DOCK2: variants seen among roughly 807,000 people sequenced by gnomAD.
The protein encoded by DOCK2 is dedicator of cytokinesis 2.
A neutral mutation model predicts 248.9 loss-of-function variants in DOCK2; 87 were observed. The ratio of observed to expected loss-of-function variants is 0.35; its 90% CI spans 0.29 to 0.42. The LOEUF (loss-of-function observed/expected upper bound fraction) is 0.42, where lower values mean the gene tolerates loss of function less well. Among genes scored for constraint, DOCK2 ranks in the 10% least tolerant of loss-of-function variants. The pLI is 1.00. For synonymous variants in DOCK2, 805 were observed against 821.6 expected, an observed-to-expected ratio of 0.98 and a Z score of 0.35; for missense variants, 1,747 against 2,300.2, an observed-to-expected ratio of 0.76 and a Z score of 4.92.
At chr5:170,009,892 G>T (rs140902325) in intron 32 of DOCK2, among the ~76,000 whole-genome samples, 1 of 152,316 alleles carries the variant, frequency 6.6e-6, no homozygotes, top group East Asian at 1.9e-4. Flanking sequence ...GAGGTTGCAG[G>T]TTGGTTCACA....
At chr5:169,717,015 C>G (rs1260774396) in intron 20 of DOCK2, among the ~76,000 whole-genome samples, 1 of 152,116 alleles carries the variant, frequency 6.6e-6, no homozygotes, top group Non-Finnish European at 1.5e-5. Flanking sequence ...TGTTTCATGA[C>G]AAATATATAC....
chr5:169,934,656 C>G (rs259898), intron 27 of DOCK2: 50,015 of 455,604 alleles, frequency 0.11, 3,929 homozygotes, highest in African/African-American at 0.31. Context: ...TTCTAGGATG[C>G]AGCTGATGAT....
intron 25 of DOCK2, among the ~76,000 whole-genome samples, chr5:169,767,097 G>A (rs1269812615): frequency 1.3e-5 from 2 of 152,224 alleles, no homozygotes; most frequent in African/African-American, 4.8e-5. Context: ...AGTGGCGAGA[G>A]ATGGTATCTC....
intron 6 of DOCK2, among the ~76,000 whole-genome samples, chr5:169,677,567 G>C (rs1759405777): frequency 5.3e-5 from 8 of 152,148 alleles, no homozygotes; most frequent in African/African-American, 7.2e-5. Context: ...CCCTAAACCT[G>C]CTGAATATGT....
chr5:169,833,820 C>G (rs776438168), intron 26 of DOCK2, among the ~76,000 whole-genome samples: 1 of 152,214 alleles, frequency 6.6e-6, no homozygotes, highest in South Asian at 2.1e-4. Flanking sequence ...AGGGATCAGA[C>G]AATTCTTATT....
chr5:169,928,876 T>G (rs1307770467), intron 27 of DOCK2, among the ~76,000 whole-genome samples: 6 of 152,250 alleles, frequency 3.9e-5, no homozygotes, highest in Non-Finnish European at 7.3e-5. Flanking sequence ...ATGCTCACTC[T>G]ATGCCCTGGG....
At chr5:170,023,641 G>A (rs533348522) in intron 33 of DOCK2, among the ~76,000 whole-genome samples, 43 of 152,158 alleles carry the variant, frequency 2.8e-4, no homozygotes, top group Non-Finnish European at 4.0e-4. Context: ...TTAGAAAGCC[G>A]CGCTGACTTC....
intron 26 of DOCK2, among the ~76,000 whole-genome samples, chr5:169,828,265 A>G (rs1377683811): frequency 1.3e-5 from 2 of 152,184 alleles, no homozygotes; most frequent in Non-Finnish European, 2.9e-5. Flanking sequence ...AAGAGGTTCA[A>G]GGGTGAGATT....
At chr5:170,048,636 C>T (rs186353404) in intron 40 of DOCK2, among the ~76,000 whole-genome samples, 581 of 152,256 alleles carry the variant, frequency 3.8e-3, no homozygotes, top group Non-Finnish European at 6.3e-3. Context: ...AAAGCTCCAT[C>T]GTACACTCAT....
intron 27 of DOCK2, among the ~76,000 whole-genome samples, chr5:169,857,467 C>T (rs1770955794): frequency 6.6e-6 from 1 of 152,184 alleles, no homozygotes. Context: ...GTGCACGACA[C>T]CGTACCCGGC....
rs544962395 is a variant in DOCK2, at chr5:169,825,262, A to G, written c.2704-15495A>G. Among the ~76,000 whole-genome samples, 141 of 152,298 alleles carry G rather than the reference A, an allele frequency of 9.3e-4. 1 individual carries two copies. The highest frequency in any genetic ancestry group is 3.2e-3 in the African/African-American group (132 of 41,562). On this transcript the variant is annotated intron_variant, in intron 26 of 51. Transcript: ENST00000520908. ...AAATACCATTTGACCCAGCCATCCCATTACTGGGTATATACCCAAAGGATT... is the reference window on the plus strand; with the variant it reads ...AAATACCATTTGACCCAGCCATCCCGTTACTGGGTATATACCCAAAGGATT...
intron 29 of DOCK2, among the ~76,000 whole-genome samples, chr5:169,995,249 G>C (rs993088471): frequency 4.6e-5 from 7 of 152,024 alleles, no homozygotes; most frequent in Non-Finnish European, 7.4e-5. Context: ...GGCTGGTCTT[G>C]AACTCCAGAC....
At chr5:169,716,934 C>T (rs1172003656) in intron 20 of DOCK2, among the ~76,000 whole-genome samples, 1 of 152,188 alleles carries the variant, frequency 6.6e-6, no homozygotes, top group Non-Finnish European at 1.5e-5. Context: ...AAAGAGGTTA[C>T]TGAGAGACAA....
Position 169,893,323 on chromosome 5 carries a change from A to T in DOCK2, c.2799+52471A>T, listed in dbSNP as rs190088791. On this transcript the variant is annotated intron_variant, in intron 27 of 51. Coordinates refer to ENST00000520908, the MANE Select transcript of DOCK2 (RefSeq NM_004946.3). Reference sequence around the variant, plus strand: ...GAAAGCCTTTACTACCACCAGATGCAACTGCTGGCCAATTCATCCAGCTTC... The same window carrying T: ...GAAAGCCTTTACTACCACCAGATGCTACTGCTGGCCAATTCATCCAGCTTC... 3.3e-4 allele frequency among the ~76,000 whole-genome samples: 50 copies of T among 152,282 alleles called. 2 individuals are homozygous for T. In the South Asian group the frequency reaches 9.1e-3, roughly 28 times the overall value.
At chr5:169,945,697 G>A (rs1776421546) in intron 27 of DOCK2, among the ~76,000 whole-genome samples, 1 of 152,134 alleles carries the variant, frequency 6.6e-6, no homozygotes, top group Non-Finnish European at 1.5e-5. Context: ...GGCTGGATGT[G>A]CTCCTCCCGC....
intron 6 of DOCK2, among the ~76,000 whole-genome samples, chr5:169,678,597 G>A (rs1243376561): frequency 2.0e-5 from 3 of 152,154 alleles, no homozygotes; most frequent in Non-Finnish European, 2.9e-5. Flanking sequence ...TTGAAGCTGA[G>A]ATCCTCGGTT....
At chr5:169,767,586 G>T (rs1232148194) in intron 25 of DOCK2, among the ~76,000 whole-genome samples, 1 of 152,220 alleles carries the variant, frequency 6.6e-6, no homozygotes, top group Admixed American at 6.5e-5. Context: ...CTTTGAACAA[G>T]TAACCTCTCT....
chr5:169,854,608 G>A lies in DOCK2; in HGVS notation c.2799+13756G>A, dbSNP rs1013960533. Among the ~76,000 whole-genome samples, 5 of 152,368 alleles carry A rather than the reference G, an allele frequency of 3.3e-5. No homozygotes were observed. In the East Asian group the frequency reaches 9.6e-4, roughly 29 times the overall value. ...AGGTGAAGATATTATTCAAAATTAT[G>A]CAGAAAGTCAGGGGCAGAAGTCAGG... On this transcript the variant is annotated intron_variant, in intron 27 of 51. Coordinates refer to ENST00000520908, the MANE Select transcript of DOCK2 (RefSeq NM_004946.3).
intron 39 of DOCK2, 34 bp downstream of exon 39, chr5:170,045,939 C>A: frequency 6.2e-7 from 1 of 1,600,794 alleles, no homozygotes; most frequent in Non-Finnish European, 8.6e-7. Context: ...GAATGCCCTG[C>A]AGGCTGGGTG....
Sources: allele counts gnomAD v4.1 joint callset (sites outside exome capture counted in the v4.1 genomes callset), GRCh38; gene constraint gnomAD v4.1.1; transcripts MANE v1.5; gene names NCBI Gene and HGNC (gene_info 2026-07-23, HGNC 2026-07-21).